Variants in CHL1 observed in about 807,000 individuals in gnomAD.
CHL1 encodes the protein cell adhesion molecule L1 like, also known as neural cell adhesion molecule L1-like protein.
In CHL1, 96 loss-of-function variants were observed where a neutral mutation model predicts 141.9. The ratio of observed to expected loss-of-function variants is 0.68; its 90% confidence interval spans 0.57 to 0.80. CHL1 has a LOEUF of 0.80. Among genes scored for constraint, CHL1 ranks in the 30% least tolerant of loss-of-function variants. CHL1 has a pLI of 0.00. For missense variants in CHL1, 1,820 were observed against 1,457.2 expected, an observed-to-expected ratio of 1.25 and a Z score of -4.05; for synonymous variants, 613 against 502.2, an observed-to-expected ratio of 1.22 and a Z score of -2.95.
At chr3:253,998 C>T (rs1051280862) in intron 2 of CHL1, among the ~76,000 whole-genome samples, 5 of 152,168 alleles carry the variant, frequency 3.3e-5, no homozygotes, top group Admixed American at 6.6e-5. Context: ...TACGAATGCA[C>T]AAATGGAGGG....
Position 333,961 on chromosome 3 carries a change from T to C in CHL1, c.385+5607T>C, listed in dbSNP as rs1701663435. ...TTTAAACAACTTGTTTGTTTGTTTG[T>C]TTGTTTTTGTTTTGAGACAGGATCT... On this transcript the variant is annotated intron_variant, in intron 5 of 27. Transcript: ENST00000256509. Among the ~76,000 whole-genome samples the C allele has an allele frequency of 3.3e-5, 5 of 152,246 alleles. No individual in the cohort carries two copies. In the South Asian group the frequency reaches 1.0e-3, roughly 32 times the overall value.
At chr3:265,775 G>A (rs1256341639) in intron 2 of CHL1, among the ~76,000 whole-genome samples, 1 of 152,128 alleles carries the variant, frequency 6.6e-6, no homozygotes, top group Non-Finnish European at 1.5e-5. Context: ...AAAACTCGAT[G>A]GTTTTTGTAA....
At chr3:275,500 A>C (rs984488558) in intron 2 of CHL1, among the ~76,000 whole-genome samples, 1 of 152,192 alleles carries the variant, frequency 6.6e-6, no homozygotes, top group African/African-American at 2.4e-5. Flanking sequence ...GAACAAAGCC[A>C]TATCTTATGA....
Position 276,655 on chromosome 3 carries a change from C to T in CHL1, c.-95+31963C>T, listed in dbSNP as rs61625316. Among the ~76,000 whole-genome samples the T allele has an allele frequency of 5.0e-3, 758 of 151,698 alleles. 9 individuals carry two copies. The highest frequency in any genetic ancestry group is 0.017 in the African/African-American group (717 of 41,376). On this transcript the variant is annotated intron_variant, in intron 2 of 27. Transcript: ENST00000256509. The stretch of plus-strand genomic sequence containing the variant: ...CTGTAATCCCAGCACTTTGGGAGGC[C>T]GAGGGGGGCGGATCACGAGGTCAGG...
rs372270052 is a variant in CHL1 at position 336,373 on chromosome 3, GT to G, written c.386-4414del. Among the ~76,000 whole-genome samples, 536 of 152,126 alleles carry G rather than the reference GT, an allele frequency of 3.5e-3. 5 individuals carry two copies. The highest frequency in any genetic ancestry group is 0.012 in the African/African-American group (500 of 41,512). ...AAGATGCCAGTGTTTTTTGGTTTTT[GT>G]TTTTTTCATCACAGTGGTTAGTTAG... is the stretch of plus-strand genomic sequence containing the variant. On this transcript the variant is annotated intron_variant, in intron 5 of 27. Transcript: ENST00000256509.
rs558397339 is a variant in CHL1 at position 405,600 on chromosome 3, T to G, written c.3564T>G (p.His1188Gln). Residue 1188 changes from histidine (H) to glutamine (Q), a missense_variant, in exon 28 of 28, where the codon CAT (histidine) becomes CAG (glutamine). Coordinates refer to ENST00000256509, the MANE Select transcript of CHL1 (RefSeq NM_006614.4). ...DSLVEYGEGD[H>Q]GLFSEDGSFI... ...TAGTCGAATACGGAGAGGGAGACCA[T>G]GGTCTCTTCAGTGAAGATGGATCAT... is the stretch of plus-strand genomic sequence containing the variant. The G allele has an allele frequency of 3.1e-6, 5 of 1,613,364 alleles. No homozygotes were observed. Among genetic ancestry groups the G allele is most frequent in the Non-Finnish European group, 4.2e-6 (5 of 1,179,506 alleles).
intron 2 of CHL1, among the ~76,000 whole-genome samples, chr3:314,408 A>G (rs1406596965): frequency 1.5e-5 from 2 of 135,728 alleles, no homozygotes; most frequent in African/African-American, 5.3e-5. Context: ...CAATTTGTTT[A>G]TTCTATCTCT....
intron 2 of CHL1, among the ~76,000 whole-genome samples, chr3:246,103 T>C (rs559849775): frequency 5.2e-4 from 79 of 152,288 alleles, no homozygotes; most frequent in African/African-American, 1.8e-3. Flanking sequence ...TAAAACACTT[T>C]TATGATTTCA....
At chr3:206,240 G>C (rs1290570620) in intron 1 of CHL1, among the ~76,000 whole-genome samples, 2 of 152,186 alleles carry the variant, frequency 1.3e-5, no homozygotes, top group Non-Finnish European at 2.9e-5. Context: ...GGCTGAGACG[G>C]GTGGATCACT....
chr3:314,325 A>ATGTG lies in CHL1; in HGVS notation c.-94-5356_-94-5353dup, dbSNP rs200073063. On this transcript the variant is annotated intron_variant, in intron 2 of 27. Coordinates refer to ENST00000256509, the MANE Select transcript of CHL1 (RefSeq NM_006614.4). ...TCTCTCTCTTTCTCTCTCTCTCTCT[A>ATGTG]TGTGTATATATATATATATATATAT... 8.5e-4 allele frequency among the ~76,000 whole-genome samples: 47 copies of ATGTG among 55,186 alleles called. 1 individual carries two copies. Among genetic ancestry groups the ATGTG allele is most frequent in the African/African-American group, 3.9e-3 (31 of 7,968 alleles). The allele number at this position is 55,186 out of a possible 152,430, so 36.2% of individuals were successfully genotyped here.
At chr3:403,437 T>A (rs1709296864) in intron 27 of CHL1, among the ~76,000 whole-genome samples, 1 of 151,980 alleles carries the variant, frequency 6.6e-6, no homozygotes, top group South Asian at 2.1e-4. Context: ...TGCAACAACT[T>A]TTCAAAAGCT....
Position 344,646 on chromosome 3 carries a change from G to C in CHL1, c.785G>C (p.Ser262Thr). 3.1e-6 allele frequency: 5 copies of C among 1,613,404 alleles called. No homozygotes were observed. The highest frequency in any genetic ancestry group is 4.2e-6 in the Non-Finnish European group (5 of 1,179,428). The change falls in exon 9 of 28, where the codon AGT (serine) becomes ACT (threonine). Residue 262 changes from serine to threonine, a missense_variant. Ser to Thr is a moderately conservative substitution (Grantham distance 58). Transcript: ENST00000256509. Reference sequence around the variant, plus strand: ...CTGTTGCCTCCCACTGAGAGTGGCAGTGAGTCTTCAATTACCATCCTCAAA... The same window carrying C: ...CTGTTGCCTCCCACTGAGAGTGGCACTGAGTCTTCAATTACCATCCTCAAA... ...KLLLPPTESG[S>T]ESSITILKGE...
chr3:337,280 T>C (rs973432570), intron 5 of CHL1, among the ~76,000 whole-genome samples: 9 of 141,294 alleles, frequency 6.4e-5, no homozygotes, highest in Non-Finnish European at 1.1e-4. Context: ...AAGCTCCGCC[T>C]CCCGGGTTCC....
chr3:391,868 G>A (rs1464960051), intron 23 of CHL1, 71 bp downstream of exon 23: 7 of 1,237,740 alleles, frequency 5.7e-6, no homozygotes, highest in Non-Finnish European at 7.9e-6. Context: ...TCTGTGCTAT[G>A]TTGGGAGTCT....
At chr3:371,783 T>C (rs958187743) in intron 15 of CHL1, among the ~76,000 whole-genome samples, 4 of 152,204 alleles carry the variant, frequency 2.6e-5, no homozygotes, top group African/African-American at 9.6e-5. Flanking sequence ...TTTCGGGAGA[T>C]CTTGCAAGGC....
intron 12 of CHL1, 75 bp from the exon 13 acceptor site, chr3:361,624 G>C (rs1704261317): frequency 3.1e-6 from 3 of 954,192 alleles, no homozygotes; most frequent in Non-Finnish European, 3.4e-6. Context: ...CGTATGACTA[G>C]GACATAGAAA....
chr3:399,294 G>A (rs2387185), intron 26 of CHL1, 146 bp downstream of exon 26: 631,026 of 632,482 alleles, frequency 1, 314,802 homozygotes, highest in East Asian at 1. Context: ...CAGGAAAAAC[G>A]TATTGCTAAA....
At chr3:220,583 G>T (rs555593567) in intron 1 of CHL1, among the ~76,000 whole-genome samples, 4 of 152,118 alleles carry the variant, frequency 2.6e-5, no homozygotes, top group African/African-American at 9.6e-5. Flanking sequence ...AGATATCAAA[G>T]AAGTCCTCAC....
intron 15 of CHL1, among the ~76,000 whole-genome samples, chr3:372,791 T>G (rs1400957582): frequency 1.3e-5 from 2 of 152,142 alleles, no homozygotes; most frequent in Non-Finnish European, 2.9e-5. Flanking sequence ...GGAGATTTTG[T>G]TGTTGATGCT....
Sources: gnomAD v4.1 joint callset for allele counts (sites outside exome capture counted in the v4.1 genomes callset) on GRCh38, gnomAD v4.1.1 for gene constraint, MANE v1.5 for transcripts, NCBI Gene and HGNC (gene_info 2026-07-23, HGNC 2026-07-21) for gene names.